DLC1: variants seen among roughly 807,000 people sequenced by gnomAD.
DLC1 encodes the protein DLC1 Rho GTPase activating protein.
A neutral mutation model predicts 140.3 loss-of-function variants in DLC1; 54 were observed. That is an observed-to-expected ratio of 0.38 (90% CI 0.31 to 0.48). The LOEUF is 0.48. Among genes scored for constraint, DLC1 ranks in the 20% least tolerant of loss-of-function variants. DLC1 has a pLI of 0.96. For synonymous variants in DLC1, 986 were observed against 728.1 expected (o/e 1.35, Z -5.70); for missense variants, 2,536 against 1,907.0 (o/e 1.33, Z -6.14).
chr8:13,092,182 T>A (rs911602763), intron 13 of DLC1, among the ~76,000 whole-genome samples: 3 of 152,078 alleles, frequency 2.0e-5, no homozygotes, highest in Admixed American at 1.3e-4. Flanking sequence ...AAGGCAGAGG[T>A]TGCAGTGAGC....
At chr8:13,190,488 C>T (rs1174914097) in intron 5 of DLC1, among the ~76,000 whole-genome samples, 1 of 152,056 alleles carries the variant, frequency 6.6e-6, no homozygotes, top group Non-Finnish European at 1.5e-5. Context: ...AATTACATTC[C>T]CCTTATAGGG....
At chr8:13,317,069 A>C (rs774257780) in intron 4 of DLC1, among the ~76,000 whole-genome samples, 4 of 152,216 alleles carry the variant, frequency 2.6e-5, no homozygotes, top group Non-Finnish European at 5.9e-5. Context: ...GTACGATTAA[A>C]GTCTACCTTG....
chr8:13,120,049 CTGTATGTA>C, intron 5 of DLC1, among the ~76,000 whole-genome samples: 1 of 151,620 alleles, frequency 6.6e-6, no homozygotes. Context: ...TTTAAAAATA[CTGTATGTA>C]ACAGCTTGGG....
intron 2 of DLC1, among the ~76,000 whole-genome samples, chr8:13,476,797 T>G (rs752240020): frequency 9.2e-5 from 14 of 152,228 alleles, no homozygotes; most frequent in Admixed American, 3.3e-4. Flanking sequence ...GAATTAGTGA[T>G]TGAATTAACA....
Position 13,259,140 on chromosome 8 carries a change from A to G in DLC1, c.1348+46129T>C, listed in dbSNP as rs1305662807. ...CAACGCAGTGAAACTCCGTCTCAAG[A>G]AAAAAAAAAAAAAAAAAAAGAGAAA... On this transcript the variant is annotated intron_variant, in intron 5 of 17. Coordinates refer to ENST00000276297, the MANE Select transcript of DLC1 (RefSeq NM_182643.3). Among the ~76,000 whole-genome samples the G allele has an allele frequency of 4.8e-5, 5 of 104,172 alleles. No individual in the cohort carries two copies. The East Asian group carries it at 7.4e-4, about 16-fold the overall frequency. The allele number at this position is 104,172 out of a possible 152,430, so 68.3% of individuals were successfully genotyped here.
chr8:13,274,749 A>G (rs934828342), intron 5 of DLC1, among the ~76,000 whole-genome samples: 1 of 152,236 alleles, frequency 6.6e-6, no homozygotes, highest in African/African-American at 2.4e-5. Flanking sequence ...AATTAGTCTT[A>G]CTTTCAAATT....
intron 7 of DLC1, among the ~76,000 whole-genome samples, chr8:13,104,587 C>T (rs1051815752): frequency 6.6e-6 from 1 of 152,168 alleles, no homozygotes; most frequent in Non-Finnish European, 1.5e-5. Flanking sequence ...AATTGCAATT[C>T]TACATTTTCA....
intron 1 of DLC1, among the ~76,000 whole-genome samples, chr8:13,599,976 C>T (rs1027024046): frequency 9.9e-5 from 15 of 152,064 alleles, no homozygotes; most frequent in Admixed American, 2.6e-4. Context: ...TCACCACCTT[C>T]ACCATTATCA....
At chr8:13,539,177 ATGTATGTG>A (rs1357022961) in intron 1 of DLC1, among the ~76,000 whole-genome samples, 7 of 122,194 alleles carry the variant, frequency 5.7e-5, no homozygotes, top group African/African-American at 1.1e-4. Flanking sequence ...TGCAAATTGT[ATGTATGTG>A]TGTATGTATG....
At chr8:13,553,753 C>T (rs1226278181) in intron 1 of DLC1, among the ~76,000 whole-genome samples, 3 of 151,994 alleles carry the variant, frequency 2.0e-5, no homozygotes, top group African/African-American at 4.8e-5. Context: ...GAACAAATGC[C>T]CATCAGTCTT....
intron 1 of DLC1, among the ~76,000 whole-genome samples, chr8:13,587,704 A>C (rs1805379189): frequency 6.6e-6 from 1 of 150,906 alleles, no homozygotes; most frequent in Admixed American, 6.6e-5. Context: ...AGTTCTGTTT[A>C]CCTGGGAAGT....
At chr8:13,603,354 A>T (rs1805951113) in intron 1 of DLC1, among the ~76,000 whole-genome samples, 1 of 151,838 alleles carries the variant, frequency 6.6e-6, no homozygotes, top group South Asian at 2.1e-4. Flanking sequence ...CAATTCACTG[A>T]TATAGACAGA....
intron 16 of DLC1, 35 bp downstream of exon 16, chr8:13,088,452 T>C (rs749788185): frequency 1.2e-6 from 2 of 1,608,492 alleles, no homozygotes; most frequent in Non-Finnish European, 1.7e-6. Flanking sequence ...TATGGAGTCA[T>C]CCTTGTCACA....
At chr8:13,599,290 A>G (rs183246746) in intron 1 of DLC1, among the ~76,000 whole-genome samples, 1 of 152,100 alleles carries the variant, frequency 6.6e-6, no homozygotes, top group Non-Finnish European at 1.5e-5. Flanking sequence ...CCTCATGTCA[A>G]TAATGAACAT....
At chr8:13,279,298 C>T (rs181231523) in intron 5 of DLC1, among the ~76,000 whole-genome samples, 1 of 152,258 alleles carries the variant, frequency 6.6e-6, no homozygotes, top group East Asian at 1.9e-4. Context: ...TAAAACAACC[C>T]TCCTCCTCTT....
chr8:13,346,832 C>T (rs927841827), intron 4 of DLC1, among the ~76,000 whole-genome samples: 3 of 152,148 alleles, frequency 2.0e-5, no homozygotes, highest in East Asian at 3.9e-4. Flanking sequence ...GGATCCAAAA[C>T]AGGAGGATAT....
intron 2 of DLC1, among the ~76,000 whole-genome samples, chr8:13,446,072 A>G (rs1281602297): frequency 6.6e-6 from 1 of 152,206 alleles, no homozygotes; most frequent in African/African-American, 2.4e-5. Context: ...GTGTGGTCAG[A>G]GATTTAGTAA....
chr8:13,538,079 A>T (rs560109788), intron 1 of DLC1, among the ~76,000 whole-genome samples: 11 of 152,256 alleles, frequency 7.2e-5, no homozygotes, highest in African/African-American at 2.4e-4. Flanking sequence ...ACTAATGCAT[A>T]TTTACTTTGT....
intron 4 of DLC1, among the ~76,000 whole-genome samples, chr8:13,373,156 C>G (rs1000251916): frequency 1.3e-5 from 2 of 152,136 alleles, no homozygotes; most frequent in African/African-American, 4.8e-5. Flanking sequence ...GCAGGGATTA[C>G]AAGGGTGAGC....
Sources: gnomAD v4.1 joint callset for allele counts (sites outside exome capture counted in the v4.1 genomes callset) on GRCh38, gnomAD v4.1.1 for gene constraint, MANE v1.5 for transcripts, NCBI Gene and HGNC (gene_info 2026-07-23, HGNC 2026-07-21) for gene names.